The following CAPZB variants were observed in gnomAD, a reference collection of about 807,000 sequenced individuals.
CAPZB encodes the protein capping actin protein of muscle Z-line subunit beta, also known as F-actin-capping protein subunit beta.
A neutral mutation model predicts 38.1 loss-of-function variants in CAPZB; 2 were observed. The observed-to-expected ratio is 0.05, with a 90% CI of 0.02 to 0.17. The LOEUF is 0.17. Among genes scored for constraint, CAPZB ranks in the 10% least tolerant of loss-of-function variants. The probability of loss-of-function intolerance (pLI) is 1.00; values close to 1 mark genes in which losing one functional copy is unlikely to be tolerated. For synonymous variants in CAPZB, 107 were observed against 127.4 expected, an observed-to-expected ratio of 0.84 and a Z score of 1.08; for missense variants, 161 against 334.2, an observed-to-expected ratio of 0.48 and a Z score of 4.04.
chr1:19,373,283 C>T (rs968098932), intron 4 of CAPZB, among the ~76,000 whole-genome samples: 2 of 152,174 alleles, frequency 1.3e-5, no homozygotes, highest in African/African-American at 4.8e-5. Flanking sequence ...AGTCACGCTC[C>T]CAACTGCTAG....
chr1:19,374,743 C>T (rs1335390021), intron 4 of CAPZB, among the ~76,000 whole-genome samples: 1 of 152,236 alleles, frequency 6.6e-6, no homozygotes, highest in East Asian at 1.9e-4. Context: ...CTCAGGGTGA[C>T]CAAGCCAGCA....
At chr1:19,379,957 T>C (rs187663236) in intron 3 of CAPZB, among the ~76,000 whole-genome samples, 165 of 152,306 alleles carry the variant, frequency 1.1e-3, no homozygotes, top group African/African-American at 3.8e-3. Context: ...ACAATGCCTT[T>C]TCCGCATCCC....
intron 2 of CAPZB, among the ~76,000 whole-genome samples, chr1:19,413,750 T>G (rs963924851): frequency 2.0e-5 from 3 of 152,202 alleles, no homozygotes; most frequent in Non-Finnish European, 4.4e-5. Context: ...GTAAGCCTGC[T>G]TACTCTATTA....
chr1:19,416,426 G>C (rs1324252277), intron 2 of CAPZB, among the ~76,000 whole-genome samples: 1 of 152,000 alleles, frequency 6.6e-6, no homozygotes, highest in Middle Eastern at 3.2e-3. Context: ...ATCATCTAAA[G>C]GAGGTGAGGT....
chr1:19,458,925 C>G (rs1344237673), intron 1 of CAPZB, among the ~76,000 whole-genome samples: 1 of 152,242 alleles, frequency 6.6e-6, no homozygotes, highest in African/African-American at 2.4e-5. Context: ...TTTTTAACTA[C>G]TAGGTGGAGA....
chr1:19,409,107 T>G (rs888992474), intron 2 of CAPZB, among the ~76,000 whole-genome samples: 1 of 152,160 alleles, frequency 6.6e-6, no homozygotes, highest in African/African-American at 2.4e-5. Flanking sequence ...CCAAAGCACA[T>G]TCCTTGAACG....
intron 8 of CAPZB, 32 bp downstream of exon 8, chr1:19,344,326 G>A: frequency 6.4e-7 from 1 of 1,564,730 alleles, no homozygotes; most frequent in Non-Finnish European, 8.8e-7. Context: ...CCCTCTGTCT[G>A]CTTCTAAAGC....
At chr1:19,400,438 T>C (rs1346020468) in intron 2 of CAPZB, among the ~76,000 whole-genome samples, 1 of 152,216 alleles carries the variant, frequency 6.6e-6, no homozygotes, top group African/African-American at 2.4e-5. Flanking sequence ...ATTTTTAACC[T>C]GTTTCCAAAA....
intron 1 of CAPZB, among the ~76,000 whole-genome samples, chr1:19,461,096 C>CGGGG (rs67195695): frequency 1.8e-5 from 2 of 113,122 alleles, no homozygotes; most frequent in African/African-American, 7.6e-5. Flanking sequence ...TGGGCGGGGG[C>CGGGG]GGGGGGGGGA....
intron 1 of CAPZB, among the ~76,000 whole-genome samples, chr1:19,466,442 T>C (rs1297142943): frequency 6.6e-6 from 1 of 152,198 alleles, no homozygotes; most frequent in Non-Finnish European, 1.5e-5. Flanking sequence ...ATAGATCACA[T>C]GTCTAGGTCA....
chr1:19,339,897 G>A (rs2093918749), intron 8 of CAPZB, among the ~76,000 whole-genome samples: 1 of 152,194 alleles, frequency 6.6e-6, no homozygotes, highest in Admixed American at 6.5e-5. Context: ...CGGTGACCCG[G>A]CCATAGTCCC....
chr1:19,434,913 A>G (rs2094453218), intron 1 of CAPZB, among the ~76,000 whole-genome samples: 1 of 151,656 alleles, frequency 6.6e-6, no homozygotes, highest in African/African-American at 2.4e-5. Context: ...AACACCCAAA[A>G]GGCAGGAGAG....
intron 1 of CAPZB, among the ~76,000 whole-genome samples, chr1:19,476,122 G>A (rs539412337): frequency 3.5e-4 from 53 of 152,214 alleles, no homozygotes; most frequent in African/African-American, 1.2e-3. Flanking sequence ...CCACAAGTTC[G>A]AGACCAGCCT....
chr1:19,414,286 G>A (rs1181363309), intron 2 of CAPZB, among the ~76,000 whole-genome samples: 2 of 152,216 alleles, frequency 1.3e-5, no homozygotes, highest in East Asian at 1.9e-4. Context: ...CTGGCAGTGT[G>A]AATACCTGTG....
At chr1:19,416,025 C>T (rs1384093116) in intron 2 of CAPZB, among the ~76,000 whole-genome samples, 1 of 152,258 alleles carries the variant, frequency 6.6e-6, no homozygotes, top group Non-Finnish European at 1.5e-5. Flanking sequence ...CTGAGGTAGA[C>T]AAGGCCCCAG....
At chr1:19,441,423 G>A (rs943253500) in intron 1 of CAPZB, among the ~76,000 whole-genome samples, 1 of 152,216 alleles carries the variant, frequency 6.6e-6, no homozygotes, top group African/African-American at 2.4e-5. Context: ...GGAAAGAGGA[G>A]TTTTAAAGTG....
intron 1 of CAPZB, among the ~76,000 whole-genome samples, chr1:19,482,315 G>A (rs548881804): frequency 8.5e-5 from 13 of 152,364 alleles, no homozygotes; most frequent in African/African-American, 2.6e-4. Flanking sequence ...AGACAAGAGG[G>A]ATGTGAGTTG....
chr1:19,440,867 T>A (rs2094473758), intron 1 of CAPZB, among the ~76,000 whole-genome samples: 1 of 152,198 alleles, frequency 6.6e-6, no homozygotes, highest in Admixed American at 6.5e-5. Context: ...GAGACCACCT[T>A]GGCTAACATG....
In CAPZB at chr1:19,357,602, G is replaced by T; in HGVS notation, c.330-39C>A. ...GCCAATGTGCCTGTTAGATGCTAAA[G>T]GACAGATCATCAGCCTGGGTCCCAG... On this transcript the variant is annotated intron_variant, in intron 4 of 8. Coordinates refer to ENST00000264202, the MANE Select transcript of CAPZB (RefSeq NM_004930.5). This position sits in a 1 kb window ranked among gnomAD's most constrained non-coding sequence, Gnocchi z 4.3. 6.2e-7 allele frequency: 1 copy of T among 1,610,176 alleles called. No individual in the cohort carries two copies. Among genetic ancestry groups the T allele is most frequent in the Non-Finnish European group, 8.5e-7 (1 of 1,176,964 alleles).
Sources: allele counts gnomAD v4.1 joint callset (sites outside exome capture counted in the v4.1 genomes callset), GRCh38; gene constraint gnomAD v4.1.1; non-coding constraint Gnocchi (gnomAD v3.1); transcripts MANE v1.5; gene names NCBI Gene and HGNC (gene_info 2026-07-23, HGNC 2026-07-21).